The following XYLT1 variants were observed in gnomAD, a reference collection of about 807,000 sequenced individuals.
XYLT1 encodes the protein beta-D-xylosyltransferase 1.
Under a neutral mutation model 91.3 loss-of-function variants are expected in XYLT1, and 36 were observed. The ratio of observed to expected loss-of-function variants is 0.39; its 90% CI spans 0.30 to 0.52. The LOEUF (loss-of-function observed/expected upper bound fraction) is 0.52. XYLT1 is among the 20% of genes least tolerant of loss of function. The probability of loss-of-function intolerance (pLI) is 0.68; values close to 1 mark genes in which losing one functional copy is unlikely to be tolerated. For synonymous variants in XYLT1, 588 were observed against 532.0 expected, an observed-to-expected ratio of 1.11 and a Z score of -1.45; for missense variants, 1,242 against 1,284.5, an observed-to-expected ratio of 0.97 and a Z score of 0.51.
chr16:17,116,652 AGG>A (rs933791281), intron 11 of XYLT1, among the ~76,000 whole-genome samples: 7 of 152,300 alleles, frequency 4.6e-5, no homozygotes, highest in African/African-American at 1.4e-4. Context: ...ACATGTCTCT[AGG>A]GCCTATACCT....
intron 2 of XYLT1, among the ~76,000 whole-genome samples, chr16:17,271,490 A>T (rs2141772876): frequency 6.6e-6 from 1 of 152,314 alleles, no homozygotes; most frequent in East Asian, 1.9e-4. Flanking sequence ...AGGCACAGAG[A>T]GAATGTGAAC....
chr16:17,376,630 C>T (rs1401320330), intron 1 of XYLT1, among the ~76,000 whole-genome samples: 2 of 151,980 alleles, frequency 1.3e-5, no homozygotes, highest in Non-Finnish European at 1.5e-5. Flanking sequence ...AGTTCAAGAC[C>T]GGCCTGACCA....
intron 1 of XYLT1, among the ~76,000 whole-genome samples, chr16:17,361,833 C>T (rs1174848994): frequency 6.6e-6 from 1 of 152,218 alleles, no homozygotes; most frequent in Non-Finnish European, 1.5e-5. Context: ...GGGCATATTA[C>T]TTGACTGAGG....
chr16:17,425,027 C>T, intron 1 of XYLT1, among the ~76,000 whole-genome samples: 1 of 152,198 alleles, frequency 6.6e-6, no homozygotes, highest in East Asian at 1.9e-4. Flanking sequence ...CACCCTTGAA[C>T]TTGGCTCCAG....
chr16:17,311,290 T>C (rs1461837591), intron 2 of XYLT1, among the ~76,000 whole-genome samples: 2 of 152,180 alleles, frequency 1.3e-5, no homozygotes, highest in African/African-American at 4.8e-5. Flanking sequence ...TGGGCTGAAT[T>C]AGAACCTGCA....
intron 3 of XYLT1, among the ~76,000 whole-genome samples, chr16:17,218,516 C>T (rs146982248): frequency 1.3e-5 from 2 of 152,216 alleles, no homozygotes; most frequent in African/African-American, 2.4e-5. Flanking sequence ...CATAGCAGGG[C>T]TTGTGCTCAG....
chr16:17,173,803 C>T (rs1281566642), intron 5 of XYLT1, among the ~76,000 whole-genome samples: 1 of 152,220 alleles, frequency 6.6e-6, no homozygotes, highest in Non-Finnish European at 1.5e-5. Context: ...CTCCTTAATC[C>T]TTGCGGTACC....
intron 1 of XYLT1, among the ~76,000 whole-genome samples, chr16:17,425,152 G>C (rs747993683): frequency 6.6e-6 from 1 of 152,160 alleles, no homozygotes; most frequent in Non-Finnish European, 1.5e-5. Context: ...TGCAGGTCAT[G>C]ATTTCCCTTG....
At chr16:17,206,789 T>A (rs2032655405) in intron 3 of XYLT1, among the ~76,000 whole-genome samples, 2 of 152,044 alleles carry the variant, frequency 1.3e-5, no homozygotes, top group South Asian at 4.1e-4. Context: ...TAAGCACCAG[T>A]CAAATGTGAT....
chr16:17,286,356 T>C (rs1418466928), intron 2 of XYLT1, among the ~76,000 whole-genome samples: 4 of 152,116 alleles, frequency 2.6e-5, no homozygotes, highest in Non-Finnish European at 5.9e-5. Context: ...AGATGGAAAT[T>C]AGAGAAATTA....
chr16:17,302,773 C>A (rs1025411495), intron 2 of XYLT1, among the ~76,000 whole-genome samples: 1 of 152,098 alleles, frequency 6.6e-6, no homozygotes, highest in Non-Finnish European at 1.5e-5. Context: ...AATCAACAAA[C>A]CACAGAACTT....
chr16:17,219,092 G>T (rs1423893634), intron 3 of XYLT1, among the ~76,000 whole-genome samples: 1 of 151,968 alleles, frequency 6.6e-6, no homozygotes, highest in African/African-American at 2.4e-5. Context: ...GACCATCCTG[G>T]CCAACATGGT....
intron 3 of XYLT1, among the ~76,000 whole-genome samples, chr16:17,217,593 A>G (rs1331397546): frequency 2.0e-5 from 3 of 152,218 alleles, no homozygotes; most frequent in South Asian, 2.1e-4. Context: ...TCCCTTCTCA[A>G]ATGTTCACAG....
intron 2 of XYLT1, among the ~76,000 whole-genome samples, chr16:17,266,749 T>C (rs1238194413): frequency 6.6e-6 from 1 of 152,206 alleles, no homozygotes; most frequent in Non-Finnish European, 1.5e-5. Context: ...TATTTGGTGT[T>C]GAACTCAGTG....
chr16:17,207,198 T>C (rs918522553), intron 3 of XYLT1, among the ~76,000 whole-genome samples: 24 of 152,020 alleles, frequency 1.6e-4, no homozygotes, highest in African/African-American at 5.8e-4. Flanking sequence ...GCTGGGATTA[T>C]AGGCACCTGC....
At chr16:17,120,960 A>G (rs1051870195) in intron 10 of XYLT1, among the ~76,000 whole-genome samples, 2 of 152,188 alleles carry the variant, frequency 1.3e-5, no homozygotes, top group African/African-American at 2.4e-5. Flanking sequence ...GTAACCATTA[A>G]TCATCTATCC....
chr16:17,408,027 G>A (rs751199335), intron 1 of XYLT1, among the ~76,000 whole-genome samples: 4 of 152,250 alleles, frequency 2.6e-5, no homozygotes, highest in South Asian at 2.1e-4. Flanking sequence ...TGAAGCTGTC[G>A]GAGGCCCTCG....
intron 5 of XYLT1, among the ~76,000 whole-genome samples, chr16:17,178,007 A>G (rs2031982091): frequency 6.6e-6 from 1 of 152,178 alleles, no homozygotes; most frequent in Admixed American, 6.5e-5. Context: ...AGATTGAGGA[A>G]GGTGGTGCAG....
Position 17,344,299 on chromosome 16 carries a change from G to A in XYLT1, c.402+13713C>T, listed in dbSNP as rs540098959. On this transcript the variant is annotated intron_variant, in intron 2 of 11. Coordinates refer to ENST00000261381, the MANE Select transcript of XYLT1 (RefSeq NM_022166.4). ...AGATTGAGACCATCCTGGCTAACAC[G>A]GTGAAACCCCGTCTCTACTAAAAAA... Among the ~76,000 whole-genome samples the A allele has an allele frequency of 6.0e-5, 9 of 150,970 alleles. No homozygotes were observed. In the South Asian group the frequency reaches 6.3e-4, roughly 11 times the overall value.
Sources: allele counts gnomAD v4.1 joint callset (sites outside exome capture counted in the v4.1 genomes callset), GRCh38; gene constraint gnomAD v4.1.1; transcripts MANE v1.5; gene names NCBI Gene and HGNC (gene_info 2026-07-23, HGNC 2026-07-21).